Variants in SEMA3D observed in about 807,000 individuals in gnomAD.
The protein encoded by SEMA3D is semaphorin 3D, also known as semaphorin-3D.
In SEMA3D, 84 loss-of-function variants were observed where a neutral mutation model predicts 100.1. That is an observed-to-expected ratio of 0.84 (90% CI 0.70 to 1.01). SEMA3D has a LOEUF of 1.01. Among genes scored for constraint, SEMA3D ranks in the 50% least tolerant of loss-of-function variants. SEMA3D has a pLI of 0.00. For missense variants in SEMA3D, 875 were observed against 934.1 expected (o/e 0.94, Z 0.82); for synonymous variants, 312 against 320.7 (o/e 0.97, Z 0.29).
chr7:85,192,650 T>G, the SEMA3D span, among the ~76,000 whole-genome samples: 1 of 152,260 alleles, frequency 6.6e-6, no homozygotes, highest in East Asian at 1.9e-4. Context: ...CTATTTAGTA[T>G]AGTGAACATT....
At chr7:85,081,709 G>A (rs980627421) in intron 4 of SEMA3D, 130 bp from the exon 5 acceptor site, 23 of 623,536 alleles carry the variant, frequency 3.7e-5, no homozygotes, top group African/African-American at 5.5e-5. Context: ...GTCAATGTGG[G>A]AAATTTGAGA....
rs545110626 is a variant in SEMA3D at position 85,130,547 on chromosome 7, G to A, written c.-40-8616C>T. ...AAACGAGCTGGATGTCTGGAAAATC[G>A]TTATCCCTAGGAGAAATCTGAATTT... On this transcript the variant is annotated intron_variant, in intron 2 of 18. Transcript: ENST00000284136. Among the ~76,000 whole-genome samples the A allele has an allele frequency of 3.9e-5, 6 of 152,180 alleles. No homozygotes were observed. In the South Asian group the frequency reaches 6.2e-4, roughly 16 times the overall value.
At chr7:85,079,096 A>G (rs1400241186) in intron 5 of SEMA3D, among the ~76,000 whole-genome samples, 9 of 152,194 alleles carry the variant, frequency 5.9e-5, no homozygotes, top group Admixed American at 4.6e-4. Flanking sequence ...CCCCGGCTTT[A>G]CTATTTACCA....
intron 9 of SEMA3D, among the ~76,000 whole-genome samples, chr7:85,055,117 G>A (rs1048736341): frequency 3.3e-5 from 5 of 151,942 alleles, no homozygotes; most frequent in Non-Finnish European, 7.4e-5. Context: ...CTAGATTACA[G>A]GTCTAGAAAA....
At chr7:85,095,381 G>A (rs1157848528) in intron 4 of SEMA3D, among the ~76,000 whole-genome samples, 1 of 150,328 alleles carries the variant, frequency 6.7e-6, no homozygotes, top group Non-Finnish European at 1.5e-5. Flanking sequence ...CTTCAATTGA[G>A]TATTTTCTAC....
At chr7:85,026,133 C>T (rs562108791) in intron 12 of SEMA3D, among the ~76,000 whole-genome samples, 20 of 152,084 alleles carry the variant, frequency 1.3e-4, no homozygotes, top group East Asian at 3.9e-4. Flanking sequence ...TTTTGTGATA[C>T]GTGTCCTTTA....
At chr7:85,034,060 C>T (rs1447883183) in intron 12 of SEMA3D, among the ~76,000 whole-genome samples, 1 of 152,042 alleles carries the variant, frequency 6.6e-6, no homozygotes, top group East Asian at 1.9e-4. Context: ...AGCCCTATCA[C>T]TAATTAGCTT....
At chr7:85,150,528 T>G (rs1790350192) in intron 2 of SEMA3D, among the ~76,000 whole-genome samples, 2 of 146,910 alleles carry the variant, frequency 1.4e-5, no homozygotes, top group African/African-American at 5.0e-5. Flanking sequence ...ATATATATAT[T>G]ATATATATAG....
At chr7:85,134,681 T>C (rs1253877913) in intron 2 of SEMA3D, among the ~76,000 whole-genome samples, 1 of 152,030 alleles carries the variant, frequency 6.6e-6, no homozygotes, top group Non-Finnish European at 1.5e-5. Flanking sequence ...GTCTCTGGTA[T>C]GGAGTCAGAT....
At chr7:85,011,436 T>A (rs531592748) in intron 17 of SEMA3D, among the ~76,000 whole-genome samples, 1 of 151,906 alleles carries the variant, frequency 6.6e-6, no homozygotes, top group East Asian at 2.0e-4. Context: ...AAATTGTGGG[T>A]GCCTAAGGCA....
chr7:85,167,727 A>G (rs1790948914), intron 1 of SEMA3D, among the ~76,000 whole-genome samples: 1 of 151,900 alleles, frequency 6.6e-6, no homozygotes. Context: ...GAAAATATCT[A>G]CAACTGAAAG....
chr7:85,205,811 T>C, the SEMA3D span, among the ~76,000 whole-genome samples: 1 of 152,230 alleles, frequency 6.6e-6, no homozygotes, highest in South Asian at 2.1e-4. Flanking sequence ...AAGTCTGTAA[T>C]TGGAACTAGT....
chr7:85,106,899 C>T (rs1479130524), intron 3 of SEMA3D, among the ~76,000 whole-genome samples: 5 of 151,984 alleles, frequency 3.3e-5, no homozygotes, highest in African/African-American at 1.2e-4. Context: ...AAACCGCCCT[C>T]ATGATTCAAT....
chr7:85,102,422 A>G (rs1014468488), intron 3 of SEMA3D, among the ~76,000 whole-genome samples: 8 of 152,120 alleles, frequency 5.3e-5, no homozygotes, highest in South Asian at 4.1e-4. Context: ...AGACAAATTC[A>G]GTGCTTAATA....
intron 3 of SEMA3D, among the ~76,000 whole-genome samples, chr7:85,098,437 AAATT>A (rs1788640828): frequency 1.3e-5 from 2 of 152,022 alleles, no homozygotes; most frequent in East Asian, 1.9e-4. Flanking sequence ...CAAATCTATA[AAATT>A]AATTAATGTA....
Position 85,068,174 on chromosome 7 carries a change from C to A in SEMA3D, c.589+17G>T. 7.0e-7 allele frequency: 1 copy of A among 1,421,586 alleles called. No individual in the cohort carries two copies. The highest frequency in any genetic ancestry group is 9.9e-7 in the Non-Finnish European group (1 of 1,005,500). The allele number at this position is 1,421,586 out of a possible 1,614,324, so 88.1% of individuals were successfully genotyped here. A position where few individuals can be genotyped will look rare whatever the true frequency, so the allele number is the denominator to read the frequency against. On this transcript the variant is annotated intron_variant, in intron 7 of 18. Coordinates refer to ENST00000284136, the MANE Select transcript of SEMA3D (RefSeq NM_001384900.1). ...GAAAACCATTTAAGGATAAGAACTG[C>A]CTGTCATTGATCTTACCTGTCATTA...
At chr7:85,081,381 A>T in intron 5 of SEMA3D, 136 bp downstream of exon 5, 2 of 547,620 alleles carry the variant, frequency 3.7e-6, no homozygotes, top group South Asian at 5.8e-5. Flanking sequence ...TTCCACATTA[A>T]TATTCACATA....
At chr7:85,178,042 C>G (rs1791287316) in intron 1 of SEMA3D, among the ~76,000 whole-genome samples, 1 of 152,184 alleles carries the variant, frequency 6.6e-6, no homozygotes, top group African/African-American at 2.4e-5. Context: ...CCCCACTTCT[C>G]TCTGCACTTC....
At chr7:85,187,910 T>C (rs956355584), upstream of SEMA3D, among the ~76,000 whole-genome samples, 2 of 152,206 alleles carry the variant, frequency 1.3e-5, no homozygotes, top group Non-Finnish European at 2.9e-5. Flanking sequence ...GGTAAATCCT[T>C]TGTGATGGGA....
Sources: allele counts gnomAD v4.1 joint callset (sites outside exome capture counted in the v4.1 genomes callset), GRCh38; gene constraint gnomAD v4.1.1; transcripts MANE v1.5; gene names NCBI Gene and HGNC (gene_info 2026-07-23, HGNC 2026-07-21).